The following PGCKA1 variants were observed in gnomAD, a reference collection of about 807,000 sequenced individuals.
PGCKA1 encodes the protein PDCD10 and GCKIII kinases associated 1, also known as PDCD10 and GCKIII kinases-associated protein 1.
chr4:37,499,885 T>A, the PGCKA1 span, among the ~76,000 whole-genome samples: 1 of 151,610 alleles, frequency 6.6e-6, no homozygotes, highest in South Asian at 2.1e-4. Flanking sequence ...CTTTCAGTTG[T>A]GATGTTAAGT....
chr4:37,566,005 G>A, the PGCKA1 span, among the ~76,000 whole-genome samples: 11 of 152,112 alleles, frequency 7.2e-5, no homozygotes, highest in African/African-American at 2.7e-4. Context: ...CGGACTCCAC[G>A]TTCTTCAGTT....
At chr4:37,553,787 T>A in the PGCKA1 span, among the ~76,000 whole-genome samples, 1 of 152,198 alleles carries the variant, frequency 6.6e-6, no homozygotes, top group Non-Finnish European at 1.5e-5. Flanking sequence ...TCAAATTTTT[T>A]AAAACATGCA....
chr4:37,542,109 G>A, the PGCKA1 span, among the ~76,000 whole-genome samples: 2 of 152,142 alleles, frequency 1.3e-5, no homozygotes, highest in African/African-American at 4.8e-5. Flanking sequence ...TCATAGATAA[G>A]GAAGGAATCT....
At chr4:37,533,508 G>A in the PGCKA1 span, among the ~76,000 whole-genome samples, 1 of 152,116 alleles carries the variant, frequency 6.6e-6, no homozygotes, top group South Asian at 2.1e-4. Flanking sequence ...ATTCCACATT[G>A]CAGAAGGTGG....
the PGCKA1 span, among the ~76,000 whole-genome samples, chr4:37,462,137 A>T: frequency 6.6e-6 from 1 of 150,682 alleles, no homozygotes; most frequent in Non-Finnish European, 1.5e-5. Flanking sequence ...CAAACATTTA[A>T]ATTCCAAATC....
the PGCKA1 span, among the ~76,000 whole-genome samples, chr4:37,457,144 C>T: frequency 6.6e-6 from 1 of 152,212 alleles, no homozygotes; most frequent in Non-Finnish European, 1.5e-5. Context: ...GTGCTTCTTT[C>T]TACAGACTTA....
At chr4:37,558,428 G>A in the PGCKA1 span, among the ~76,000 whole-genome samples, 66,776 of 151,744 alleles carry the variant, frequency 0.44, 14,991 homozygotes, top group African/African-American at 0.52. Flanking sequence ...GGCTCTCAGC[G>A]TGTGGTCCCG....
the PGCKA1 span, chr4:37,453,820 G>C: frequency 2.0e-5 from 3 of 152,150 alleles, no homozygotes; most frequent in South Asian, 2.1e-4. Context: ...CCGCATCCTC[G>C]GGGCGTGCAG....
At chr4:37,453,850 G>C in the PGCKA1 span, 2 of 152,170 alleles carry the variant, frequency 1.3e-5, no homozygotes, top group Non-Finnish European at 2.9e-5. Flanking sequence ...TACGCGTGTC[G>C]GGAAGGCTCA....
the PGCKA1 span, among the ~76,000 whole-genome samples, chr4:37,519,130 G>A: frequency 6.6e-6 from 1 of 152,052 alleles, no homozygotes; most frequent in African/African-American, 2.4e-5. Flanking sequence ...TGGTCTATCT[G>A]TTTGTTTTTA....
chr4:37,572,332 C>T, the PGCKA1 span, among the ~76,000 whole-genome samples: 1 of 152,194 alleles, frequency 6.6e-6, no homozygotes. Flanking sequence ...TCCCAAAGTG[C>T]TGGGATTACA....
the PGCKA1 span, among the ~76,000 whole-genome samples, chr4:37,526,313 A>T: frequency 4.6e-5 from 7 of 152,248 alleles, no homozygotes; most frequent in Admixed American, 2.6e-4. Flanking sequence ...ATAGGTCTAG[A>T]ATCAATCATT....
At chr4:37,469,072 C>T in the PGCKA1 span, among the ~76,000 whole-genome samples, 1 of 152,034 alleles carries the variant, frequency 6.6e-6, no homozygotes, top group Non-Finnish European at 1.5e-5. Flanking sequence ...GATATGTTTA[C>T]AATTGCCTAC....
chr4:37,553,848 A>G, the PGCKA1 span, among the ~76,000 whole-genome samples: 1 of 152,254 alleles, frequency 6.6e-6, no homozygotes, highest in Non-Finnish European at 1.5e-5. Context: ...ATGTGCAGAT[A>G]AACACTGATG....
chr4:37,550,548 C>G, the PGCKA1 span, among the ~76,000 whole-genome samples: 49,342 of 151,774 alleles, frequency 0.33, 8,086 homozygotes, highest in East Asian at 0.44. Flanking sequence ...AAACCCCTCA[C>G]ACCCAAAATG....
the PGCKA1 span, among the ~76,000 whole-genome samples, chr4:37,546,995 A>G: frequency 0.36 from 54,528 of 151,896 alleles, 10,049 homozygotes; most frequent in South Asian, 0.47. Flanking sequence ...GCATGCCTTA[A>G]TCGGCACTTT....
At chr4:37,493,035 T>C in the PGCKA1 span, among the ~76,000 whole-genome samples, 1 of 152,224 alleles carries the variant, frequency 6.6e-6, no homozygotes, top group Non-Finnish European at 1.5e-5. Context: ...TGTGTGTATG[T>C]ATGTATATGT....
the PGCKA1 span, among the ~76,000 whole-genome samples, chr4:37,504,328 A>G: frequency 8.5e-4 from 129 of 152,292 alleles, 1 homozygote; most frequent in African/African-American, 2.8e-3. Flanking sequence ...TTTGTACTAT[A>G]GCTCTATAGC....
chr4:37,539,517 T>TG, the PGCKA1 span, among the ~76,000 whole-genome samples: 852 of 152,164 alleles, frequency 5.6e-3, 12 homozygotes, highest in African/African-American at 0.019. Context: ...ATTAGCCAGA[T>TG]GTGGCGCACA....
Sources: allele counts gnomAD v4.1 joint callset (sites outside exome capture counted in the v4.1 genomes callset), GRCh38; gene constraint gnomAD v4.1.1; transcripts MANE v1.5; gene names NCBI Gene and HGNC (gene_info 2026-07-23, HGNC 2026-07-21).